The following PLEKHA6 variants were observed in gnomAD, a reference collection of about 807,000 sequenced individuals.
PLEKHA6 encodes the protein pleckstrin homology domain containing A6.
In PLEKHA6, 60 loss-of-function variants were observed where a neutral mutation model predicts 116.7. The observed-to-expected ratio is 0.51, with a 90% CI of 0.42 to 0.64. The LOEUF is 0.64. Among genes scored for constraint, PLEKHA6 ranks in the 30% least tolerant of loss-of-function variants. The pLI is 0.00. For missense variants in PLEKHA6, 1,338 were observed against 1,422.7 expected (o/e 0.94, Z 0.96); for synonymous variants, 489 against 556.1 (o/e 0.88, Z 1.70).
intron 1 of PLEKHA6, chr1:204,311,719 G>C: frequency 1.1e-6 from 1 of 911,838 alleles, no homozygotes; most frequent in Non-Finnish European, 1.3e-6. Flanking sequence ...GAATGAAATT[G>C]AATATAATTC....
intron 3 of PLEKHA6, among the ~76,000 whole-genome samples, chr1:204,366,951 G>C (rs1443330065): frequency 1.3e-5 from 2 of 152,188 alleles, no homozygotes; most frequent in East Asian, 3.8e-4. Flanking sequence ...TGGCTAGACT[G>C]GGGCTCCCTC....
In PLEKHA6 at chr1:204,357,639, G is replaced by A. The variant is rs559057500; in HGVS notation, c.-95+2055C>T. ...CCAACCTTCCTCTGGGGGGCCCCAT[G>A]GGTGCGCCAAGACCAGTGCCAATGA... On this transcript the variant is annotated intron_variant, in intron 1 of 22. Coordinates refer to ENST00000272203, the MANE Select transcript of PLEKHA6 (RefSeq NM_014935.5). 7.9e-5 allele frequency among the ~76,000 whole-genome samples: 12 copies of A among 152,352 alleles called. No individual in the cohort carries two copies. The South Asian group carries it at 2.5e-3, about 32-fold the overall frequency.
At chr1:204,268,124 C>G in intron 4 of PLEKHA6, 84 bp downstream of exon 4, 1 of 825,596 alleles carries the variant, frequency 1.2e-6, no homozygotes. Flanking sequence ...AAAAAATACA[C>G]AGCCTGTCAT....
chr1:204,356,698 G>C (rs1673426667), intron 1 of PLEKHA6, among the ~76,000 whole-genome samples: 2 of 152,156 alleles, frequency 1.3e-5, no homozygotes, highest in South Asian at 4.1e-4. Context: ...TATGTATTGT[G>C]ATAATCTAGA....
chr1:204,322,169 A>G (rs1200855242), intron 1 of PLEKHA6, among the ~76,000 whole-genome samples: 1 of 151,884 alleles, frequency 6.6e-6, no homozygotes, highest in Non-Finnish European at 1.5e-5. Flanking sequence ...CTTTCTTAAT[A>G]TCAATACAGA....
chr1:204,234,977 T>TAACTA (rs1352479244), intron 17 of PLEKHA6, among the ~76,000 whole-genome samples: 2 of 14,276 alleles, frequency 1.4e-4, no homozygotes, highest in African/African-American at 9.3e-4. Flanking sequence ...TATATATATA[T>TAACTA]ATATATATAT....
In PLEKHA6 at chr1:204,356,097, C is replaced by T. The variant is rs528443905; in HGVS notation, c.-95+3597G>A. On this transcript the variant is annotated intron_variant, in intron 1 of 22. Transcript: ENST00000272203. Reference sequence around the variant, plus strand: ...ATATTTTAATAATGTAGCCATTTCACTTCTAGAAATGCAACCTAAGGGAAA... The same window carrying T: ...ATATTTTAATAATGTAGCCATTTCATTTCTAGAAATGCAACCTAAGGGAAA... 5.9e-5 allele frequency among the ~76,000 whole-genome samples: 9 copies of T among 152,186 alleles called. No homozygotes were observed. In the South Asian group the frequency reaches 1.9e-3, roughly 32 times the overall value.
chr1:204,285,147 T>G (rs943522710), intron 1 of PLEKHA6, among the ~76,000 whole-genome samples: 1 of 152,240 alleles, frequency 6.6e-6, no homozygotes, highest in African/African-American at 2.4e-5. Flanking sequence ...CATTCCATCA[T>G]TGTAGAACAT....
chr1:204,284,819 C>T (rs1351748989), intron 1 of PLEKHA6, among the ~76,000 whole-genome samples: 2 of 152,160 alleles, frequency 1.3e-5, no homozygotes, highest in East Asian at 3.9e-4. Context: ...TTCTGGGTCT[C>T]AGTTTCCCCA....
At chr1:204,376,908 C>A (rs1233029513) in intron 1 of PLEKHA6, among the ~76,000 whole-genome samples, 1 of 152,322 alleles carries the variant, frequency 6.6e-6, no homozygotes. Context: ...CAAAAGACAG[C>A]CAGCAGGGCC....
intron 9 of PLEKHA6, 31 bp from the exon 10 acceptor site, chr1:204,250,645 A>C: frequency 6.6e-7 from 1 of 1,514,204 alleles, no homozygotes; most frequent in Non-Finnish European, 9.2e-7. Context: ...TTACTGCAGC[A>C]GGGGCAGGAT....
intron 1 of PLEKHA6, among the ~76,000 whole-genome samples, chr1:204,326,310 T>C (rs962296138): frequency 1.1e-4 from 17 of 152,222 alleles, no homozygotes; most frequent in African/African-American, 4.1e-4. Flanking sequence ...CCCTCCTGCC[T>C]GTGCCAACAC....
chr1:204,301,679 G>A (rs1670836454), intron 1 of PLEKHA6, among the ~76,000 whole-genome samples: 1 of 152,134 alleles, frequency 6.6e-6, no homozygotes, highest in East Asian at 1.9e-4. Flanking sequence ...AATTGTGAGG[G>A]GGATGATGAT....
chr1:204,239,037 A>T (rs1402063204), intron 17 of PLEKHA6, among the ~76,000 whole-genome samples: 1 of 152,224 alleles, frequency 6.6e-6, no homozygotes, highest in Non-Finnish European at 1.5e-5. Flanking sequence ...GGGAAGAGGT[A>T]TGTGGATGGA....
intron 1 of PLEKHA6, among the ~76,000 whole-genome samples, chr1:204,357,568 A>G (rs576358303): frequency 2.6e-5 from 4 of 152,316 alleles, no homozygotes; most frequent in African/African-American, 9.6e-5. Flanking sequence ...CTCACCCCAG[A>G]GCTCAGGGGA....
At chr1:204,331,199 C>CAA (rs5780231) in intron 1 of PLEKHA6, among the ~76,000 whole-genome samples, 1,211 of 75,682 alleles carry the variant, frequency 0.016, 29 homozygotes, top group African/African-American at 0.054. Context: ...GACTCTGTCT[C>CAA]AAAAAAAAAA....
At chr1:204,236,580 G>A (rs1450856178) in intron 17 of PLEKHA6, among the ~76,000 whole-genome samples, 2 of 152,184 alleles carry the variant, frequency 1.3e-5, no homozygotes, top group African/African-American at 2.4e-5. Flanking sequence ...ATTGGATCCC[G>A]AGGTGGCAGG....
chr1:204,271,860 A>G (rs1218642231), intron 3 of PLEKHA6, among the ~76,000 whole-genome samples: 1 of 152,064 alleles, frequency 6.6e-6, no homozygotes, highest in African/African-American at 2.4e-5. Flanking sequence ...TTCATTGACC[A>G]TCATTCCTGT....
At chr1:204,333,093 G>A (rs1015310802) in intron 1 of PLEKHA6, among the ~76,000 whole-genome samples, 1 of 152,190 alleles carries the variant, frequency 6.6e-6, no homozygotes, top group Non-Finnish European at 1.5e-5. Flanking sequence ...GAAGACCCAG[G>A]CCCCCAGGCC....
Sources: allele counts gnomAD v4.1 joint callset (sites outside exome capture counted in the v4.1 genomes callset), GRCh38; gene constraint gnomAD v4.1.1; transcripts MANE v1.5; gene names NCBI Gene and HGNC (gene_info 2026-07-23, HGNC 2026-07-21).